The following ERICH3 variants were observed in gnomAD, a reference collection of about 807,000 sequenced individuals.
The protein encoded by ERICH3 is glutamate rich 3.
Under a neutral mutation model 131.1 loss-of-function variants are expected in ERICH3, and 126 were observed. That is an observed-to-expected ratio of 0.96 (90% CI 0.83 to 1.11). ERICH3 has a LOEUF of 1.11. ERICH3 is among the 50% of genes most tolerant of loss of function. The pLI is 0.00. For missense variants in ERICH3, 2,050 were observed against 1,810.7 expected (o/e 1.13, Z -2.40); for synonymous variants, 695 against 644.6 (o/e 1.08, Z -1.18).
At chr1:74,601,191 G>A (rs185478858) in intron 10 of ERICH3, among the ~76,000 whole-genome samples, 262 of 151,960 alleles carry the variant, frequency 1.7e-3, no homozygotes, top group African/African-American at 6.0e-3. Flanking sequence ...TATGTTGCTA[G>A]ACACAAACAG....
chr1:74,656,700 C>A (rs1646588058), intron 1 of ERICH3, among the ~76,000 whole-genome samples: 1 of 152,086 alleles, frequency 6.6e-6, no homozygotes, highest in Non-Finnish European at 1.5e-5. Context: ...GTGAAAATAC[C>A]CACATAGAAT....
At chr1:74,594,595 A>G (rs867983900) in intron 11 of ERICH3, among the ~76,000 whole-genome samples, 1 of 151,932 alleles carries the variant, frequency 6.6e-6, no homozygotes, top group Non-Finnish European at 1.5e-5. Context: ...TATAATACAC[A>G]CTCAAAACAG....
In ERICH3 at chr1:74,606,893, A is replaced by G; in HGVS notation, c.1197T>C (p.Ile399=). Reference sequence around the variant, plus strand: ...ACGGTTTTTTGTCAAGGCCCATTGCAATAATGCACCTATGAAAAATATTAG... The same window carrying G: ...ACGGTTTTTTGTCAAGGCCCATTGCGATAATGCACCTATGAAAAATATTAG... The part of the protein sequence containing the change: ...ERSSPCYKCI[I]AMGLDKKPSL... Residue 399 remains isoleucine, a synonymous_variant, in exon 10 of 15, where the codon ATT becomes ATC. Coordinates refer to ENST00000326665, the MANE Select transcript of ERICH3 (RefSeq NM_001002912.5). The G allele has an allele frequency of 6.2e-7, 1 of 1,609,590 alleles. No homozygotes were observed.
chr1:74,589,686 T>C lies in ERICH3; in HGVS notation c.2121A>G (p.Glu707=). The C allele has an allele frequency of 1.2e-6, 2 of 1,614,082 alleles. No individual in the cohort carries two copies. Among genetic ancestry groups the C allele is most frequent in the Non-Finnish European group, 1.7e-6 (2 of 1,179,968 alleles). ...TTTTGTCCTTCACCTGAGCAGTGCT[T>C]TCTTCCCAAAGCTTACTCTTATCCT... The part of the protein sequence containing the change: ...KEKDKSKLWE[E]STAQVKDKKA... Residue 707 remains glutamate (E), a synonymous_variant, in exon 12 of 15, where the codon GAA becomes GAG. Coordinates refer to ENST00000326665, the MANE Select transcript of ERICH3 (RefSeq NM_001002912.5).
At chr1:74,631,645 C>A (rs1242226018) in intron 7 of ERICH3, 68 bp downstream of exon 7, 4 of 1,319,864 alleles carry the variant, frequency 3.0e-6, no homozygotes, top group Non-Finnish European at 4.3e-6. Context: ...TTACTGCAAA[C>A]CTAGAAATCT....
chr1:74,673,551 G>A lies in ERICH3; in HGVS notation c.-32C>T, dbSNP rs747991256. On this transcript the variant is annotated 5_prime_UTR_variant, in exon 1 of 15. Transcript: ENST00000326665. ...AGGATCCCTTTTGGACCCCGCGGCA[G>A]GTGCGGAGGGTGGGTGCGTGGGGCC... The A allele has an allele frequency of 1.2e-6, 2 of 1,608,334 alleles. No homozygotes were observed. Among genetic ancestry groups the A allele is most frequent in the South Asian group, 1.1e-5 (1 of 90,396 alleles).
At chr1:74,669,023 T>C (rs1312695357) in intron 1 of ERICH3, among the ~76,000 whole-genome samples, 2 of 152,138 alleles carry the variant, frequency 1.3e-5, no homozygotes, top group Non-Finnish European at 2.9e-5. Flanking sequence ...GACCTTTCTT[T>C]AGGAAATAAT....
intron 10 of ERICH3, among the ~76,000 whole-genome samples, chr1:74,605,549 G>A (rs1648344943): frequency 6.6e-6 from 1 of 151,308 alleles, no homozygotes; most frequent in Admixed American, 6.6e-5. Flanking sequence ...CCTTTCACTT[G>A]AACATTTAGA....
At chr1:74,585,665 C>A (rs914258605) in intron 12 of ERICH3, among the ~76,000 whole-genome samples, 1 of 151,980 alleles carries the variant, frequency 6.6e-6, no homozygotes, top group Non-Finnish European at 1.5e-5. Context: ...TAATTAAATA[C>A]CATACAAATG....
chr1:74,588,549 T>A (rs532559761), intron 12 of ERICH3, among the ~76,000 whole-genome samples: 1 of 152,336 alleles, frequency 6.6e-6, no homozygotes, highest in South Asian at 2.1e-4. Flanking sequence ...AGCATTCATA[T>A]GCTTTTAAAA....
intron 10 of ERICH3, among the ~76,000 whole-genome samples, chr1:74,601,612 C>T (rs1648134813): frequency 6.6e-6 from 1 of 151,758 alleles, no homozygotes; most frequent in East Asian, 1.9e-4. Context: ...TCATGGAAGA[C>T]TTCCCAAAAG....
intron 1 of ERICH3, among the ~76,000 whole-genome samples, chr1:74,651,017 TA>T (rs199987873): frequency 0.013 from 2,021 of 152,052 alleles, 57 homozygotes; most frequent in African/African-American, 0.046. Context: ...AAGCTGTCTT[TA>T]AAAAAATGCA....
chr1:74,645,080 C>T (rs779528083), intron 3 of ERICH3, among the ~76,000 whole-genome samples: 7 of 152,084 alleles, frequency 4.6e-5, no homozygotes, highest in Admixed American at 1.3e-4. Flanking sequence ...ATCCCTCACT[C>T]GTCTTGAAAC....
intron 12 of ERICH3, among the ~76,000 whole-genome samples, chr1:74,580,479 T>C (rs922462411): frequency 2.6e-5 from 4 of 152,210 alleles, no homozygotes; most frequent in African/African-American, 9.6e-5. Flanking sequence ...TTTTAGAAGC[T>C]TTTTATACAT....
intron 1 of ERICH3, among the ~76,000 whole-genome samples, chr1:74,657,674 G>T (rs1388725758): frequency 2.0e-5 from 3 of 152,054 alleles, no homozygotes; most frequent in South Asian, 4.1e-4. Context: ...AAACAAGACT[G>T]GTCTCCAACT....
intron 12 of ERICH3, among the ~76,000 whole-genome samples, chr1:74,577,915 A>C (rs901758616): frequency 6.6e-6 from 1 of 152,230 alleles, no homozygotes; most frequent in Non-Finnish European, 1.5e-5. Context: ...CATTTCATCC[A>C]TTAGTAGATT....
chr1:74,644,182 A>G (rs1557697442), intron 3 of ERICH3, among the ~76,000 whole-genome samples: 1 of 151,910 alleles, frequency 6.6e-6, no homozygotes, highest in Non-Finnish European at 1.5e-5. Context: ...TGCAGACTCA[A>G]TAATTCCCTA....
At chr1:74,652,720 C>T (rs1385367897) in intron 1 of ERICH3, among the ~76,000 whole-genome samples, 3 of 152,092 alleles carry the variant, frequency 2.0e-5, no homozygotes, top group Non-Finnish European at 4.4e-5. Flanking sequence ...CCCTTTTCAT[C>T]GATTCCGTTG....
At chr1:74,628,523 C>T (rs180927405) in intron 7 of ERICH3, among the ~76,000 whole-genome samples, 1 of 152,030 alleles carries the variant, frequency 6.6e-6, no homozygotes, top group Non-Finnish European at 1.5e-5. Context: ...AAATAGCATA[C>T]AAAATATGTG....
Sources: allele counts gnomAD v4.1 joint callset (sites outside exome capture counted in the v4.1 genomes callset), GRCh38; gene constraint gnomAD v4.1.1; transcripts MANE v1.5; gene names NCBI Gene and HGNC (gene_info 2026-07-23, HGNC 2026-07-21).